PDE4D: variants seen among roughly 807,000 people sequenced by gnomAD.
PDE4D encodes 3',5'-cyclic-AMP phosphodiesterase 4D.
Under a neutral mutation model 87.4 loss-of-function variants are expected in PDE4D, and 24 were observed. The ratio of observed to expected loss-of-function variants is 0.27; its 90% CI spans 0.20 to 0.39. The LOEUF (loss-of-function observed/expected upper bound fraction) is 0.39. Ranked by LOEUF, PDE4D falls within the 10% of genes least tolerant of loss-of-function variation. The pLI is 1.00. For missense variants in PDE4D, 714 were observed against 1,041.0 expected (o/e 0.69, Z 4.32); for synonymous variants, 384 against 383.2 (o/e 1.00, Z -0.02).
chr5:59,254,524 G>A (rs1490754801), intron 1 of PDE4D, among the ~76,000 whole-genome samples: 1 of 151,976 alleles, frequency 6.6e-6, no homozygotes, highest in African/African-American at 2.4e-5. Flanking sequence ...AGCACCTCAT[G>A]GTGCCGGATG....
At chr5:59,871,781 T>C (rs1187012031) in intron 1 of PDE4D, among the ~76,000 whole-genome samples, 2 of 152,182 alleles carry the variant, frequency 1.3e-5, no homozygotes, top group Non-Finnish European at 1.5e-5. Context: ...TCATCTTAGT[T>C]AAAGGCAAAT....
intron 1 of PDE4D, among the ~76,000 whole-genome samples, chr5:59,597,187 C>A (rs1015475033): frequency 7.9e-5 from 12 of 152,160 alleles, no homozygotes; most frequent in East Asian, 1.9e-4. Flanking sequence ...ATATAAGAAA[C>A]CTTATGTTGC....
chr5:59,999,361 G>A (rs1053350318), intron 2 of PDE4D, among the ~76,000 whole-genome samples: 1 of 152,068 alleles, frequency 6.6e-6, no homozygotes, highest in African/African-American at 2.4e-5. Context: ...GGGGTCTGCA[G>A]AGAGCAAAAG....
At chr5:60,439,419 G>A (rs1169413919) in intron 1 of PDE4D, among the ~76,000 whole-genome samples, 1 of 151,898 alleles carries the variant, frequency 6.6e-6, no homozygotes, top group Non-Finnish European at 1.5e-5. Flanking sequence ...AGTGAGTACT[G>A]CATGACAAGC....
At chr5:59,398,433 A>C (rs1789925586) in intron 1 of PDE4D, among the ~76,000 whole-genome samples, 2 of 144,214 alleles carry the variant, frequency 1.4e-5, no homozygotes, top group African/African-American at 2.6e-5. Context: ...AATATACACA[A>C]ATCAGTAAAT....
At chr5:59,798,994 C>A (rs1000327403) in intron 1 of PDE4D, among the ~76,000 whole-genome samples, 2 of 152,136 alleles carry the variant, frequency 1.3e-5, no homozygotes, top group African/African-American at 4.8e-5. Flanking sequence ...ACAATCTGTA[C>A]GATGGGGATT....
rs115457337 is a variant in PDE4D, at chr5:59,622,552, G to A, written c.455+270616C>T. On this transcript the variant is annotated intron_variant, in intron 1 of 14. Coordinates refer to ENST00000340635, the MANE Select transcript of PDE4D (RefSeq NM_001104631.2). ...TGATGATCACATTGGCTTTGCTTTC[G>A]GCACACCCCGATCTCTCTCCCTTTC... is the stretch of plus-strand genomic sequence containing the variant. Among the ~76,000 whole-genome samples, 1,092 of 151,948 alleles carry A rather than the reference G, an allele frequency of 7.2e-3. 16 individuals carry two copies. Among genetic ancestry groups the A allele is most frequent in the African/African-American group, 0.024 (1,008 of 41,452 alleles).
intron 1 of PDE4D, among the ~76,000 whole-genome samples, chr5:59,771,479 A>AAGAG (rs1491480272): frequency 2.9e-5 from 2 of 68,474 alleles, no homozygotes; most frequent in East Asian, 6.6e-4. Flanking sequence ...GAAAGAAAGA[A>AAGAG]AGAAAGAGAG....
At chr5:59,333,788 C>T (rs184810656) in intron 1 of PDE4D, among the ~76,000 whole-genome samples, 1 of 151,662 alleles carries the variant, frequency 6.6e-6, no homozygotes, top group Non-Finnish European at 1.5e-5. Context: ...TAGTAAATAA[C>T]CTGCTAAGAT....
chr5:59,792,654 T>C (rs190727230), intron 1 of PDE4D, among the ~76,000 whole-genome samples: 28 of 152,226 alleles, frequency 1.8e-4, no homozygotes, highest in Admixed American at 1.6e-3. Flanking sequence ...GTTTGGACAT[T>C]TTCCACTACA....
intron 1 of PDE4D, among the ~76,000 whole-genome samples, chr5:60,424,829 GC>G (rs1392009811): frequency 2.0e-5 from 3 of 152,184 alleles, no homozygotes; most frequent in African/African-American, 7.2e-5. Flanking sequence ...AGCAACTTCA[GC>G]GAAGTCTCAG....
intron 1 of PDE4D, among the ~76,000 whole-genome samples, chr5:60,299,006 T>C (rs1753661375): frequency 6.6e-6 from 1 of 152,252 alleles, no homozygotes. Flanking sequence ...AAGGAAACAA[T>C]TGAAAGTTCA....
At position 59,715,879 on chromosome 5, in the gene PDE4D, T is replaced by C. The variant is rs574736116; in HGVS notation, c.455+177289A>G. 2.6e-5 allele frequency among the ~76,000 whole-genome samples: 4 copies of C among 152,358 alleles called. No individual in the cohort carries two copies. In the East Asian group the frequency reaches 7.7e-4, roughly 29 times the overall value. ...CTGGAGTTGTTGCTCCTTGTATTAC[T>C]GCTGTGGCCTCTGGGTCTGGGGTTC... is the stretch of plus-strand genomic sequence containing the variant. On this transcript the variant is annotated intron_variant, in intron 1 of 14. Coordinates refer to ENST00000340635, the MANE Select transcript of PDE4D (RefSeq NM_001104631.2).
chr5:60,447,490 T>C (rs896083140), intron 1 of PDE4D, among the ~76,000 whole-genome samples: 1 of 152,024 alleles, frequency 6.6e-6, no homozygotes, highest in Non-Finnish European at 1.5e-5. Flanking sequence ...TCAGAAGACT[T>C]TACTCTGTGT....
intron 1 of PDE4D, among the ~76,000 whole-genome samples, chr5:59,318,017 C>T (rs1774067628): frequency 6.6e-6 from 1 of 152,106 alleles, no homozygotes; most frequent in South Asian, 2.1e-4. Context: ...ATCTTACTTC[C>T]TCCTTTTAAG....
At chr5:59,951,095 T>C (rs1200027728) in intron 3 of PDE4D, among the ~76,000 whole-genome samples, 1 of 152,172 alleles carries the variant, frequency 6.6e-6, no homozygotes. Flanking sequence ...AAGATAATGT[T>C]GTAACATTTA....
intron 1 of PDE4D, among the ~76,000 whole-genome samples, chr5:59,289,081 C>A (rs944560228): frequency 6.6e-6 from 1 of 152,036 alleles, no homozygotes; most frequent in African/African-American, 2.4e-5. Context: ...GTAAACAACT[C>A]ATATCTTAAA....
chr5:58,982,487 C>G (rs2153321425), intron 11 of PDE4D, among the ~76,000 whole-genome samples: 1 of 152,252 alleles, frequency 6.6e-6, no homozygotes, highest in East Asian at 1.9e-4. Context: ...GTATGGAATA[C>G]CATAGTTTTG....
chr5:60,151,419 ATCT>A (rs1781485619), intron 2 of PDE4D, among the ~76,000 whole-genome samples: 1 of 152,116 alleles, frequency 6.6e-6, no homozygotes, highest in Non-Finnish European at 1.5e-5. Flanking sequence ...ATTTATTTGC[ATCT>A]TCTTTAATTT....
Sources: allele counts gnomAD v4.1 joint callset (sites outside exome capture counted in the v4.1 genomes callset), GRCh38; gene constraint gnomAD v4.1.1; transcripts MANE v1.5; gene names NCBI Gene and HGNC (gene_info 2026-07-23, HGNC 2026-07-21).